Variants in LRP1B observed in about 807,000 individuals in gnomAD.
LRP1B encodes LDL receptor related protein 1B.
Under a neutral mutation model 556.6 loss-of-function variants are expected in LRP1B, and 217 were observed. That is an observed-to-expected ratio of 0.39 (90% CI 0.35 to 0.44). The LOEUF (loss-of-function observed/expected upper bound fraction) is 0.44. Ranked by LOEUF, LRP1B falls within the 20% of genes least tolerant of loss-of-function variation. The probability of loss-of-function intolerance (pLI) is 1.00; values close to 1 mark genes in which losing one functional copy is unlikely to be tolerated. For synonymous variants in LRP1B, 2,047 were observed against 1,865.8 expected (o/e 1.10, Z -2.50); for missense variants, 5,053 against 5,620.8 (o/e 0.90, Z 3.23).
chr2:140,944,611 CTCAAA>C (rs1695490563), intron 20 of LRP1B, among the ~76,000 whole-genome samples: 1 of 152,058 alleles, frequency 6.6e-6, no homozygotes, highest in African/African-American at 2.4e-5. Context: ...GTTCAACATA[CTCAAA>C]TCAATAAATG....
intron 2 of LRP1B, among the ~76,000 whole-genome samples, chr2:141,806,111 C>T (rs1173827619): frequency 6.6e-6 from 1 of 152,014 alleles, no homozygotes; most frequent in African/African-American, 2.4e-5. Context: ...TATCATACAT[C>T]AGCTGGAGCC....
At chr2:141,025,535 C>G (rs1392799438) in intron 11 of LRP1B, among the ~76,000 whole-genome samples, 1 of 152,044 alleles carries the variant, frequency 6.6e-6, no homozygotes, top group African/African-American at 2.4e-5. Context: ...TGTGGGTTCG[C>G]CTCATCCAAT....
intron 41 of LRP1B, among the ~76,000 whole-genome samples, chr2:140,640,985 T>G (rs1684274400): frequency 6.6e-6 from 1 of 152,226 alleles, no homozygotes; most frequent in Non-Finnish European, 1.5e-5. Context: ...GTTACTTCTT[T>G]TGTTAATACA....
At chr2:140,451,024 C>T (rs1009473079) in intron 62 of LRP1B, among the ~76,000 whole-genome samples, 3 of 152,194 alleles carry the variant, frequency 2.0e-5, no homozygotes, top group Non-Finnish European at 2.9e-5. Flanking sequence ...TATCTGGAAC[C>T]TCAACTTCTT....
rs533392808 is a variant in LRP1B at position 140,414,554 on chromosome 2, G to A, written c.10414+27950C>T. Reference sequence around the variant, plus strand: ...TGTTTTGTGGGAAGTCAGGGACCCCGAATAGAGGGACCAGCTGGAGCCGCG... The same window carrying A: ...TGTTTTGTGGGAAGTCAGGGACCCCAAATAGAGGGACCAGCTGGAGCCGCG... On this transcript the variant is annotated intron_variant, in intron 66 of 90. Coordinates refer to ENST00000389484, the MANE Select transcript of LRP1B (RefSeq NM_018557.3). 3.3e-5 allele frequency among the ~76,000 whole-genome samples: 5 copies of A among 152,084 alleles called. No homozygotes were observed. The South Asian group carries it at 6.2e-4, about 19-fold the overall frequency.
At chr2:141,661,945 C>T (rs919359540) in intron 2 of LRP1B, among the ~76,000 whole-genome samples, 3 of 152,056 alleles carry the variant, frequency 2.0e-5, no homozygotes, top group Non-Finnish European at 4.4e-5. Context: ...GGCCAGGTCA[C>T]GTACAAAGGA....
chr2:140,463,205 G>C (rs1687395258), intron 60 of LRP1B, among the ~76,000 whole-genome samples: 1 of 152,064 alleles, frequency 6.6e-6, no homozygotes, highest in African/African-American at 2.4e-5. Context: ...ATGGTTTCTA[G>C]TTGATGAAGA....
intron 2 of LRP1B, among the ~76,000 whole-genome samples, chr2:141,654,994 CA>C (rs201743747): frequency 0.012 from 1,796 of 152,204 alleles, 19 homozygotes; most frequent in Non-Finnish European, 0.02. Context: ...TGCAATTTAT[CA>C]GTACAGAAGC....
intron 1 of LRP1B, among the ~76,000 whole-genome samples, chr2:141,937,168 TC>T (rs1229416435): frequency 7.9e-5 from 12 of 151,924 alleles, no homozygotes; most frequent in African/African-American, 2.7e-4. Flanking sequence ...GGCGGGCAGA[TC>T]ATGAAGTCAG....
At chr2:140,538,921 A>G (rs1905924) in intron 45 of LRP1B, among the ~76,000 whole-genome samples, 2,331 of 152,278 alleles carry the variant, frequency 0.015, 52 homozygotes, top group African/African-American at 0.053. Flanking sequence ...TGTTTTTTAC[A>G]TTATGCAAAA....
intron 66 of LRP1B, among the ~76,000 whole-genome samples, chr2:140,424,880 C>T (rs1301932590): frequency 6.6e-6 from 1 of 152,216 alleles, no homozygotes; most frequent in Non-Finnish European, 1.5e-5. Context: ...TGACACTTAA[C>T]TAATCTCCAT....
At chr2:140,900,064 G>A (rs1694060674) in intron 23 of LRP1B, among the ~76,000 whole-genome samples, 1 of 152,026 alleles carries the variant, frequency 6.6e-6, no homozygotes, top group African/African-American at 2.4e-5. Context: ...AGTCATCTAT[G>A]ACCCTTATTA....
At chr2:141,508,503 C>G (rs4396652) in intron 2 of LRP1B, among the ~76,000 whole-genome samples, 1 of 152,154 alleles carries the variant, frequency 6.6e-6, no homozygotes, top group African/African-American at 2.4e-5. Context: ...TACACTTAGC[C>G]TAGCTAGGGA....
chr2:140,248,983 C>T (rs1259860635), intron 86 of LRP1B, among the ~76,000 whole-genome samples: 1 of 150,144 alleles, frequency 6.7e-6, no homozygotes, highest in Non-Finnish European at 1.5e-5. Context: ...TACATGTGTG[C>T]AATTATTTTG....
rs547682943 is a variant in LRP1B at position 142,079,547 on chromosome 2, G to A, written c.82+51101C>T. 2.6e-5 allele frequency among the ~76,000 whole-genome samples: 4 copies of A among 150,950 alleles called. No homozygotes were observed. In the South Asian group the frequency reaches 6.3e-4, roughly 24 times the overall value. On this transcript the variant is annotated intron_variant, in intron 1 of 90. Transcript: ENST00000389484. ...TTCTGAGGTGAAGTCTCACTGTGTC[G>A]CCCAGGTTGGAGTGCAGTGGTGCTA...
At chr2:140,285,864 A>G (rs1683126935) in intron 84 of LRP1B, among the ~76,000 whole-genome samples, 1 of 151,702 alleles carries the variant, frequency 6.6e-6, no homozygotes, top group Non-Finnish European at 1.5e-5. Context: ...CATTGTGTAT[A>G]GTGTACATGA....
chr2:141,607,196 T>C (rs1001477289), intron 2 of LRP1B, among the ~76,000 whole-genome samples: 2 of 152,036 alleles, frequency 1.3e-5, no homozygotes, highest in Non-Finnish European at 2.9e-5. Flanking sequence ...GTTCTCAACA[T>C]TTCTCAAAAC....
chr2:140,869,403 T>A (rs553088300), intron 25 of LRP1B, among the ~76,000 whole-genome samples: 1 of 151,878 alleles, frequency 6.6e-6, no homozygotes, highest in Non-Finnish European at 1.5e-5. Context: ...CCTGCCAAAT[T>A]AGGGGAATAA....
Position 141,859,307 on chromosome 2 carries a change from C to T in LRP1B, c.83-48906G>A, listed in dbSNP as rs573148406. Among the ~76,000 whole-genome samples the T allele has an allele frequency of 3.9e-5, 6 of 152,288 alleles. No homozygotes were observed. The South Asian group carries it at 1.2e-3, about 32-fold the overall frequency. On this transcript the variant is annotated intron_variant, in intron 1 of 90. Transcript: ENST00000389484. Reference sequence around the variant, plus strand: ...AGGAAATAGTAACGTCAGCATCACTCCCTTTGTCTTTGCATCTCGACCTGA... The same window carrying T: ...AGGAAATAGTAACGTCAGCATCACTTCCTTTGTCTTTGCATCTCGACCTGA...
Sources: gnomAD v4.1 joint callset for allele counts (sites outside exome capture counted in the v4.1 genomes callset) on GRCh38, gnomAD v4.1.1 for gene constraint, MANE v1.5 for transcripts, NCBI Gene and HGNC (gene_info 2026-07-23, HGNC 2026-07-21) for gene names.